The following ATAD3B variants were observed in gnomAD, a reference collection of about 807,000 sequenced individuals.
The protein encoded by ATAD3B is ATPase family AAA domain-containing protein 3B.
In ATAD3B, 59 loss-of-function variants were observed where a neutral mutation model predicts 70.2. The observed-to-expected ratio is 0.84, with a 90% CI of 0.68 to 1.04. The LOEUF is 1.04. Among genes scored for constraint, ATAD3B ranks in the 50% least tolerant of loss-of-function variants. ATAD3B has a pLI of 0.00. For synonymous variants in ATAD3B, 423 were observed against 388.6 expected, an observed-to-expected ratio of 1.09 and a Z score of -1.04; for missense variants, 961 against 913.4, an observed-to-expected ratio of 1.05 and a Z score of -0.67.
chr1:1,483,269 C>T (rs1185238467), intron 7 of ATAD3B, among the ~76,000 whole-genome samples: 1 of 151,632 alleles, frequency 6.6e-6, no homozygotes, highest in Admixed American at 6.6e-5. Context: ...CACCCCAAGA[C>T]CAGCATGACC....
intron 11 of ATAD3B, among the ~76,000 whole-genome samples, chr1:1,487,123 C>T (rs1640260561): frequency 6.6e-6 from 1 of 152,072 alleles, no homozygotes; most frequent in Non-Finnish European, 1.5e-5. Flanking sequence ...CTTGTGGCCT[C>T]GGCTGTCCTC....
At chr1:1,477,407 A>T in intron 2 of ATAD3B, 57 bp downstream of exon 2, 1 of 1,608,962 alleles carries the variant, frequency 6.2e-7, no homozygotes, top group Non-Finnish European at 8.5e-7. Flanking sequence ...TCAGGCGTGG[A>T]GATTGGTGGG....
At chr1:1,479,615 C>A (rs1639793413) in intron 4 of ATAD3B, among the ~76,000 whole-genome samples, 1 of 145,764 alleles carries the variant, frequency 6.9e-6, no homozygotes, top group African/African-American at 2.6e-5. Context: ...TACACCCCCA[C>A]ACAGGGGCAT....
the ATAD3B span, chr1:1,503,585 C>T: frequency 1.9e-6 from 3 of 1,610,834 alleles, no homozygotes; most frequent in Middle Eastern, 1.8e-4. Flanking sequence ...TGCCTGCAGG[C>T]CACATCAAAG....
chr1:1,482,509 G>T (rs375416813), intron 6 of ATAD3B, 36 bp from the exon 7 acceptor site: 4 of 1,613,268 alleles, frequency 2.5e-6, no homozygotes, highest in Non-Finnish European at 3.4e-6. Flanking sequence ...ACGGATCTTC[G>T]TGTCCTTCCT....
intron 1 of ATAD3B, among the ~76,000 whole-genome samples, chr1:1,474,224 G>C (rs771869696): frequency 6.7e-6 from 1 of 149,456 alleles, no homozygotes; most frequent in African/African-American, 2.5e-5. Flanking sequence ...ACGGAGTCTC[G>C]CTGTCGCCCA....
intron 5 of ATAD3B, among the ~76,000 whole-genome samples, chr1:1,481,665 C>T (rs1268030603): frequency 7.2e-6 from 1 of 139,812 alleles, no homozygotes; most frequent in East Asian, 2.1e-4. Context: ...TGAGTTCTGA[C>T]AGCTGTGTTT....
In ATAD3B at chr1:1,475,567, C is replaced by G. The variant is rs935178428; in HGVS notation, c.206-1707C>G. ...TTGAGGCTATAGCCCCATGCCGCCTCGTTCCCAGAGTCTGCCCTGACCCCT... is the reference window on the plus strand; with the variant it reads ...TTGAGGCTATAGCCCCATGCCGCCTGGTTCCCAGAGTCTGCCCTGACCCCT... On this transcript the variant is annotated intron_variant, in intron 1 of 15. Coordinates refer to ENST00000673477, the MANE Select transcript of ATAD3B (RefSeq NM_031921.6). Among the ~76,000 whole-genome samples the G allele has an allele frequency of 3.6e-4, 55 of 152,088 alleles. 1 individual carries two copies. Among genetic ancestry groups the G allele is most frequent in the Middle Eastern group, 6.8e-3 (2 of 294 alleles).
chr1:1,482,457 C>T (rs1639969034), intron 6 of ATAD3B, 88 bp from the exon 7 acceptor site: 1 of 1,607,690 alleles, frequency 6.2e-7, no homozygotes. Context: ...GGCCGTGCCG[C>T]CATGTCAGGG....
At chr1:1,474,202 T>G (rs571156594) in intron 1 of ATAD3B, among the ~76,000 whole-genome samples, 1 of 75,588 alleles carries the variant, frequency 1.3e-5, no homozygotes, top group South Asian at 5.3e-4. Context: ...TCTTTTTTTC[T>G]TTTTTTTTTT....
At position 1,487,885 on chromosome 1, in the gene ATAD3B, G is replaced by A. The variant is rs748289945; in HGVS notation, c.1237G>A (p.Ala413Thr). 1 of 1,613,134 alleles carries A rather than the reference G, an allele frequency of 6.2e-7. No homozygotes were observed. Among genetic ancestry groups the A allele is most frequent in the Non-Finnish European group, 8.5e-7 (1 of 1,179,506 alleles). The change falls in exon 12 of 16, where the codon GCA (alanine) becomes ACA (threonine). Residue 413 changes from alanine to threonine, a missense_variant. Coordinates refer to ENST00000673477, the MANE Select transcript of ATAD3B (RefSeq NM_031921.6). Reference sequence around the variant, plus strand: ...CAGCCTCCTGCTCTTCATGGATGAAGCAGACGCCTTCCTTCGGAAGCGAGC... The same window carrying A: ...CAGCCTCCTGCTCTTCATGGATGAAACAGACGCCTTCCTTCGGAAGCGAGC... ...RRGLLLFMDE[A>T]DAFLRKRATE...
chr1:1,494,975 G>C (rs1640708302), intron 15 of ATAD3B, among the ~76,000 whole-genome samples: 1 of 152,106 alleles, frequency 6.6e-6, no homozygotes, highest in Non-Finnish European at 1.5e-5. Context: ...AGCCCCAGTA[G>C]CTCCAGCCTC....
Position 1,473,578 on chromosome 1 carries a change from C to T in ATAD3B, c.205+1489C>T, listed in dbSNP as rs572914386. ...TGGCGCCATCTTGTCTCACTGCAAA[C>T]CGCAACGCCCTGGTTCAAAGAATTC... On this transcript the variant is annotated intron_variant, in intron 1 of 15. Transcript: ENST00000673477. 4.0e-5 allele frequency among the ~76,000 whole-genome samples: 6 copies of T among 151,358 alleles called. No homozygotes were observed. The South Asian group carries it at 1.0e-3, about 26-fold the overall frequency.
chr1:1,472,263 T>G (rs570261497), intron 1 of ATAD3B, among the ~76,000 whole-genome samples, 174 bp downstream of exon 1: 1 of 152,096 alleles, frequency 6.6e-6, no homozygotes, highest in African/African-American at 2.4e-5. Context: ...TCGGACTCTT[T>G]CCGTCACCCG....
chr1:1,484,022 AG>A (rs1388441885), intron 7 of ATAD3B: 1 of 152,138 alleles, frequency 6.6e-6, no homozygotes, highest in Non-Finnish European at 1.5e-5. Context: ...CGGAGGACAC[AG>A]CCATGTGCGA....
intron 4 of ATAD3B, among the ~76,000 whole-genome samples, chr1:1,480,251 TG>T (rs1264334848): frequency 8.9e-6 from 1 of 111,818 alleles, no homozygotes; most frequent in East Asian, 3.5e-4. Context: ...CGTGAGGGCA[TG>T]CACACACACG....
chr1:1,479,460 CCACA>C (rs1038801715), intron 4 of ATAD3B, among the ~76,000 whole-genome samples: 6 of 140,334 alleles, frequency 4.3e-5, no homozygotes, highest in African/African-American at 5.4e-5. Flanking sequence ...AAACATGGGC[CCACA>C]CACACACACC....
the ATAD3B span, among the ~76,000 whole-genome samples, chr1:1,506,466 C>T: frequency 6.7e-6 from 1 of 149,436 alleles, no homozygotes; most frequent in Non-Finnish European, 1.5e-5. Context: ...GTGCAGTCGT[C>T]GGCCAGGATG....
chr1:1,483,217 C>A, intron 7 of ATAD3B: 1 of 356,824 alleles, frequency 2.8e-6, no homozygotes, highest in African/African-American at 2.1e-5. Context: ...ATCACTTGAA[C>A]CCGGGTGGTG....
Sources: allele counts gnomAD v4.1 joint callset (sites outside exome capture counted in the v4.1 genomes callset), GRCh38; gene constraint gnomAD v4.1.1; transcripts MANE v1.5; gene names NCBI Gene and HGNC (gene_info 2026-07-23, HGNC 2026-07-21).